Variants in SNRK observed in about 807,000 individuals in gnomAD.
SNRK encodes SNF-related serine/threonine-protein kinase.
Under a neutral mutation model 48.2 loss-of-function variants are expected in SNRK, and 3 were observed. The observed-to-expected ratio is 0.06, with a 90% CI of 0.03 to 0.16. The LOEUF is 0.16. Among genes scored for constraint, SNRK ranks in the 10% least tolerant of loss-of-function variants. SNRK has a pLI of 1.00. For synonymous variants in SNRK, 376 were observed against 366.1 expected (o/e 1.03, Z -0.31); for missense variants, 627 against 976.0 (o/e 0.64, Z 4.76).
intron 6 of SNRK, among the ~76,000 whole-genome samples, chr3:43,344,686 G>A (rs550078395): frequency 6.6e-6 from 1 of 152,210 alleles, no homozygotes; most frequent in Non-Finnish European, 1.5e-5. Flanking sequence ...TAGGCACACT[G>A]TCTAGTGTCT....
intron 3 of SNRK, among the ~76,000 whole-genome samples, chr3:43,330,453 TG>T (rs1355167512): frequency 6.6e-6 from 1 of 152,184 alleles, no homozygotes; most frequent in Non-Finnish European, 1.5e-5. Flanking sequence ...AGTGGTGGCT[TG>T]GGAGTTGGGA....
intron 3 of SNRK, among the ~76,000 whole-genome samples, chr3:43,310,261 C>T (rs1447811157): frequency 6.6e-6 from 1 of 152,036 alleles, no homozygotes; most frequent in Non-Finnish European, 1.5e-5. Flanking sequence ...TTATTTATTA[C>T]CTTTACCCAT....
intron 5 of SNRK, among the ~76,000 whole-genome samples, chr3:43,341,156 GT>G (rs561432916): frequency 3.5e-4 from 51 of 143,772 alleles, no homozygotes; most frequent in East Asian, 6.1e-4. Context: ...TTTTGTTTTT[GT>G]TTTTTTTTTT....
Position 43,303,172 on chromosome 3 carries a change from A to G in SNRK, c.-32A>G, listed in dbSNP as rs2125620094. The G allele has an allele frequency of 6.6e-7, 1 of 1,504,308 alleles. No individual in the cohort carries two copies. Among genetic ancestry groups the G allele is most frequent in the East Asian group, 2.3e-5 (1 of 44,132 alleles). The allele number at this position is 1,504,308 out of a possible 1,614,324, so 93.2% of individuals were successfully genotyped here. A position where few individuals can be genotyped will look rare whatever the true frequency, so the allele number is the denominator to read the frequency against. Reference sequence around the variant, plus strand: ...TTATATGAGAAGATCTATTTTAAACAGTCTAAATATTTTTTCTTCTGTTGG... The same window carrying G: ...TTATATGAGAAGATCTATTTTAAACGGTCTAAATATTTTTTCTTCTGTTGG... On this transcript the variant is annotated 5_prime_UTR_variant, in exon 3 of 7. Coordinates refer to ENST00000296088, the MANE Select transcript of SNRK (RefSeq NM_017719.5). This position sits in a 1 kb window ranked among gnomAD's most constrained non-coding sequence, Gnocchi z 6.2.
chr3:43,287,369 G>C (rs2090774316), intron 1 of SNRK, among the ~76,000 whole-genome samples: 1 of 152,134 alleles, frequency 6.6e-6, no homozygotes, highest in Admixed American at 6.5e-5. Flanking sequence ...CTTGGACTTG[G>C]GTTGCAGGAA....
intron 1 of SNRK, among the ~76,000 whole-genome samples, chr3:43,287,717 G>A (rs2090777450): frequency 6.6e-6 from 1 of 152,172 alleles, no homozygotes; most frequent in Non-Finnish European, 1.5e-5. Context: ...AACATGAAAT[G>A]CCTGAGTTTG....
intron 6 of SNRK, among the ~76,000 whole-genome samples, chr3:43,345,405 G>C (rs1384974753): frequency 6.6e-6 from 1 of 152,206 alleles, no homozygotes; most frequent in Non-Finnish European, 1.5e-5. Flanking sequence ...GATGGAGGAA[G>C]AAGGGTCAGG....
chr3:43,293,632 G>A (rs2090830213), intron 1 of SNRK, among the ~76,000 whole-genome samples: 1 of 152,102 alleles, frequency 6.6e-6, no homozygotes, highest in East Asian at 1.9e-4. Flanking sequence ...GATTGGGACA[G>A]GCCAGGTATA....
intron 3 of SNRK, among the ~76,000 whole-genome samples, chr3:43,306,929 G>A (rs2090942216): frequency 6.6e-6 from 1 of 152,070 alleles, no homozygotes; most frequent in Non-Finnish European, 1.5e-5. Flanking sequence ...TTCTGCTTCG[G>A]ATACTATTTT....
chr3:43,307,449 C>T (rs189399934), intron 3 of SNRK, among the ~76,000 whole-genome samples: 14 of 152,286 alleles, frequency 9.2e-5, no homozygotes, highest in Admixed American at 7.2e-4. Flanking sequence ...AGTTTCTTGG[C>T]ACCATTTTTG....
chr3:43,309,176 A>C (rs2090959988), intron 3 of SNRK, among the ~76,000 whole-genome samples: 1 of 152,180 alleles, frequency 6.6e-6, no homozygotes, highest in South Asian at 2.1e-4. Flanking sequence ...TTGTTGTTTT[A>C]TCTTAATTTT....
At chr3:43,339,227 A>C (rs1375253198) in intron 4 of SNRK, among the ~76,000 whole-genome samples, 3 of 152,170 alleles carry the variant, frequency 2.0e-5, no homozygotes, top group Non-Finnish European at 4.4e-5. Context: ...TTGTGTGAGG[A>C]CCAGCTTGTA....
chr3:43,344,672 A>T (rs1046365198), intron 6 of SNRK, among the ~76,000 whole-genome samples: 3 of 152,124 alleles, frequency 2.0e-5, no homozygotes, highest in Admixed American at 2.0e-4. Context: ...TCTGTAATAA[A>T]AACTAGGCAC....
At chr3:43,330,498 A>G (rs1324613142) in intron 3 of SNRK, among the ~76,000 whole-genome samples, 1 of 152,242 alleles carries the variant, frequency 6.6e-6, no homozygotes, top group East Asian at 1.9e-4. Context: ...TGAGTGGTAC[A>G]AAGAGGAGGA....
intron 3 of SNRK, chr3:43,314,813 G>A (rs779357117): frequency 1.1e-4 from 16 of 152,118 alleles, no homozygotes; most frequent in Non-Finnish European, 7.3e-5. Flanking sequence ...AAAAGGCTGA[G>A]GTGGGAAGAT....
intron 4 of SNRK, 93 bp from the exon 5 acceptor site, chr3:43,340,194 G>A: frequency 1.0e-6 from 1 of 991,130 alleles, no homozygotes; most frequent in Non-Finnish European, 1.6e-6. Context: ...TTTAATTGAT[G>A]GTATAGGAAA....
At position 43,348,122 on chromosome 3, in the gene SNRK, T is replaced by A. The variant is rs1288241404; in HGVS notation, c.1863T>A (p.Gly621=). The A allele has an allele frequency of 6.3e-7, 1 of 1,584,730 alleles. No individual in the cohort carries two copies. The highest frequency in any genetic ancestry group is 8.6e-7 in the Non-Finnish European group (1 of 1,165,940). The change falls in exon 7 of 7, where the codon GGT becomes GGA. Residue 621 remains glycine, a synonymous_variant. Coordinates refer to ENST00000296088, the MANE Select transcript of SNRK (RefSeq NM_017719.5). ...GTGGCAACCCCACCAATACATCGGG[T>A]ACCACACGCCGCTGTGCCGGCCCCA... ...GSGGNPTNTS[G]TTRRCAGPSN...
At chr3:43,309,273 A>C (rs185495586) in intron 3 of SNRK, among the ~76,000 whole-genome samples, 2 of 152,298 alleles carry the variant, frequency 1.3e-5, no homozygotes, top group Non-Finnish European at 2.9e-5. Flanking sequence ...AATGACAACA[A>C]AGGATTTAGA....
intron 3 of SNRK, among the ~76,000 whole-genome samples, chr3:43,329,735 G>T (rs1169311925): frequency 1.3e-5 from 2 of 152,018 alleles, no homozygotes; most frequent in Non-Finnish European, 2.9e-5. Context: ...TTCTAATCAT[G>T]TATCACATCA....
Sources: gnomAD v4.1 joint callset for allele counts (sites outside exome capture counted in the v4.1 genomes callset) on GRCh38, gnomAD v4.1.1 for gene constraint, Gnocchi (gnomAD v3.1) non-coding constraint, MANE v1.5 for transcripts, NCBI Gene and HGNC (gene_info 2026-07-23, HGNC 2026-07-21) for gene names.